Variants in TTC6 observed in about 807,000 individuals in gnomAD.
The protein encoded by TTC6 is tetratricopeptide repeat protein 6.
A neutral mutation model predicts 210.4 loss-of-function variants in TTC6; 172 were observed. The observed-to-expected ratio is 0.82, with a 90% CI of 0.72 to 0.93. The LOEUF is 0.93. Ranked by LOEUF, TTC6 falls within the 40% of genes least tolerant of loss-of-function variation. The pLI is 0.00. For missense variants in TTC6, 2,414 were observed against 2,318.1 expected (o/e 1.04, Z -0.85); for synonymous variants, 804 against 819.6 (o/e 0.98, Z 0.32).
At position 37,749,249 on chromosome 14, in the gene TTC6, CA is replaced by C. The variant is rs1398897611; in HGVS notation, c.2676del (p.Glu893ArgfsTer10). On this transcript the variant is annotated frameshift_variant, in exon 11 of 31. Coordinates refer to ENST00000553443, the Ensembl canonical transcript of TTC6. LOFTEE classifies it high-confidence loss of function. ...TGATTATGTGGAGTCTGATCTTCCA[CA>C]AGAGGTCATTAAATATTATGAATCT... 6.5e-7 allele frequency: 1 copy of C among 1,528,036 alleles called. No individual in the cohort carries two copies. Among genetic ancestry groups the C allele is most frequent in the South Asian group, 1.2e-5 (1 of 81,948 alleles). 94.7% of individuals were successfully genotyped at this position (1,528,036 alleles called of 1,614,324 possible). A position where few individuals can be genotyped will look rare whatever the true frequency, so the allele number is the denominator to read the frequency against.
intron 20 of TTC6, among the ~76,000 whole-genome samples, chr14:37,799,759 G>A (rs560321524): frequency 3.3e-5 from 5 of 152,178 alleles, no homozygotes; most frequent in Non-Finnish European, 7.4e-5. Context: ...CAGTCATGCA[G>A]CCATAAGGAA....
At chr14:37,771,209 C>T (rs2096017359) in intron 14 of TTC6, among the ~76,000 whole-genome samples, 2 of 152,130 alleles carry the variant, frequency 1.3e-5, no homozygotes, top group Admixed American at 6.6e-5. Flanking sequence ...GAGGGTAACC[C>T]GACCTTTCTG....
chr14:37,794,758 A>G (rs2096088473), intron 17 of TTC6, among the ~76,000 whole-genome samples: 1 of 151,516 alleles, frequency 6.6e-6, no homozygotes, highest in Non-Finnish European at 1.5e-5. Flanking sequence ...TATTCCTATT[A>G]TTGTTTTTGT....
intron 3 of TTC6, among the ~76,000 whole-genome samples, chr14:37,690,479 A>C (rs1016918855): frequency 6.6e-6 from 1 of 152,122 alleles, no homozygotes; most frequent in Non-Finnish European, 1.5e-5. Context: ...GTTGCCTACA[A>C]GTAATGCACT....
chr14:37,680,737 A>G (rs1224575037), intron 2 of TTC6, among the ~76,000 whole-genome samples: 5 of 152,136 alleles, frequency 3.3e-5, no homozygotes, highest in Admixed American at 2.6e-4. Flanking sequence ...ATTCAAAGCA[A>G]TCTGGAACAT....
At chr14:37,796,934 C>T (rs1369615133) in exon 20 of TTC6, 2 of 1,597,152 alleles carry the variant, frequency 1.3e-6, no homozygotes, top group East Asian at 2.3e-5. Context: ...CAAATGAAGG[C>T]CAAGAGAACC....
intron 17 of TTC6, 97 bp from the exon 20 acceptor site, chr14:37,795,173 C>A: frequency 1.4e-6 from 1 of 698,660 alleles, no homozygotes; most frequent in South Asian, 2.5e-5. Context: ...AGGAGATGTC[C>A]CTGCAAAATT....
chr14:37,662,268 G>A (rs1046436044), intron 1 of TTC6, among the ~76,000 whole-genome samples: 1 of 152,154 alleles, frequency 6.6e-6, no homozygotes, highest in Non-Finnish European at 1.5e-5. Context: ...TGCCCATTCA[G>A]TATGATATTG....
intron 14 of TTC6, among the ~76,000 whole-genome samples, chr14:37,772,149 C>T (rs867970767): frequency 9.8e-5 from 15 of 152,298 alleles, no homozygotes; most frequent in African/African-American, 3.1e-4. Flanking sequence ...TTTGAGGAGG[C>T]AGTCTGCCCG....
chr14:37,805,791 C>T (rs984321416), intron 21 of TTC6, among the ~76,000 whole-genome samples: 1 of 152,074 alleles, frequency 6.6e-6, no homozygotes, highest in African/African-American at 2.4e-5. Flanking sequence ...ACCTCTGCCT[C>T]CCAGTTTCAA....
chr14:37,739,508 G>A (rs1195148572), intron 10 of TTC6, among the ~76,000 whole-genome samples: 1 of 149,238 alleles, frequency 6.7e-6, no homozygotes, highest in African/African-American at 2.5e-5. Context: ...GGTGGAGGTT[G>A]CAATGAGCTG....
intron 14 of TTC6, among the ~76,000 whole-genome samples, chr14:37,772,759 C>T (rs1170542232): frequency 1.1e-4 from 17 of 152,148 alleles, no homozygotes; most frequent in African/African-American, 1.9e-4. Context: ...AGATATCACC[C>T]GTCTTCTGCG....
chr14:37,809,539 A>C (rs993885766), intron 24 of TTC6, among the ~76,000 whole-genome samples: 2 of 152,188 alleles, frequency 1.3e-5, no homozygotes, highest in African/African-American at 4.8e-5. Context: ...AAGCAGTAGC[A>C]ATCACTAGCA....
chr14:37,766,125 A>G (rs746652214), intron 14 of TTC6, among the ~76,000 whole-genome samples: 20 of 152,102 alleles, frequency 1.3e-4, no homozygotes, highest in African/African-American at 3.4e-4. Flanking sequence ...GAAGTTTTCA[A>G]CCATCCATTT....
chr14:37,693,777 A>C (rs2095809052), intron 3 of TTC6, among the ~76,000 whole-genome samples: 1 of 152,024 alleles, frequency 6.6e-6, no homozygotes, highest in Admixed American at 6.6e-5. Context: ...AATACAGTAC[A>C]CACCTACAGT....
chr14:37,738,188 TATA>T (rs1354203997), intron 9 of TTC6, among the ~76,000 whole-genome samples: 2 of 149,638 alleles, frequency 1.3e-5, no homozygotes, highest in African/African-American at 2.4e-5. Context: ...TTATTAATGT[TATA>T]ATAAATAATA....
rs12590844 is a variant in TTC6 at position 37,790,671 on chromosome 14, G to T, written c.3437-46G>T. 2.7e-6 allele frequency: 4 copies of T among 1,461,600 alleles called. No individual in the cohort carries two copies. The East Asian group carries it at 9.9e-5, about 36-fold the overall frequency. The allele number at this position is 1,461,600 out of a possible 1,614,324, so 90.5% of individuals were successfully genotyped here. ...CAGACTAAAGTATAATTTACCTATG[G>T]TTATTTTAGAACCTGAATGAAATAC... is the stretch of plus-strand genomic sequence containing the variant. On this transcript the variant is annotated intron_variant, in intron 15 of 30. Coordinates refer to ENST00000553443, the Ensembl canonical transcript of TTC6.
chr14:37,775,523 G>A (rs2139216392), intron 14 of TTC6, among the ~76,000 whole-genome samples: 1 of 152,252 alleles, frequency 6.6e-6, no homozygotes, highest in Non-Finnish European at 1.5e-5. Context: ...AAATTTCCAT[G>A]TAATTTTGTG....
Position 37,712,744 on chromosome 14 carries a change from A to G in TTC6, c.1572-1911A>G, listed in dbSNP as rs74791762. 1.4e-3 allele frequency among the ~76,000 whole-genome samples: 217 copies of G among 152,254 alleles called. 1 individual carries two copies. In the East Asian group the frequency reaches 0.035, roughly 25 times the overall value. On this transcript the variant is annotated intron_variant, in intron 5 of 30. Coordinates refer to ENST00000553443, the Ensembl canonical transcript of TTC6. The stretch of plus-strand genomic sequence containing the variant: ...CATCACGAGAACAGCACTATGGGGT[A>G]ACCACTCCCGTAATTCAATTACCTC...
Sources: gnomAD v4.1 joint callset for allele counts (sites outside exome capture counted in the v4.1 genomes callset) on GRCh38, gnomAD v4.1.1 for gene constraint, MANE v1.5 for transcripts, NCBI Gene and HGNC (gene_info 2026-07-23, HGNC 2026-07-21) for gene names.